The following ADAM32 variants were observed in gnomAD, a reference collection of about 807,000 sequenced individuals.
ADAM32 encodes ADAM metallopeptidase domain 32.
ADAM32 carries 89 observed loss-of-function variants against 114.9 expected under a neutral mutation model. The ratio of observed to expected loss-of-function variants is 0.77; its 90% confidence interval spans 0.65 to 0.92. The LOEUF (loss-of-function observed/expected upper bound fraction) is 0.92, where lower values mean the gene tolerates loss of function less well. Among genes scored for constraint, ADAM32 ranks in the 40% least tolerant of loss-of-function variants. The pLI, the probability that ADAM32 is intolerant of heterozygous loss-of-function variation, is 0.00. For synonymous variants in ADAM32, 285 were observed against 307.5 expected (o/e 0.93, Z 0.77); for missense variants, 870 against 932.8 (o/e 0.93, Z 0.88).
At chr8:39,123,999 G>A (rs1801949804) in intron 2 of ADAM32, among the ~76,000 whole-genome samples, 1 of 151,678 alleles carries the variant, frequency 6.6e-6, no homozygotes, top group African/African-American at 2.4e-5. Context: ...GAGCCACTGT[G>A]CCTGGCCTTC....
chr8:39,201,214 C>T (rs1308015586), intron 11 of ADAM32, among the ~76,000 whole-genome samples: 1 of 152,170 alleles, frequency 6.6e-6, no homozygotes, highest in African/African-American at 2.4e-5. Flanking sequence ...TTACCTTGGG[C>T]AGTATGGCCA....
chr8:39,149,675 A>G (rs1803702658), intron 4 of ADAM32, 116 bp from the exon 5 acceptor site: 1 of 717,730 alleles, frequency 1.4e-6, no homozygotes, highest in East Asian at 2.8e-5. Context: ...TTGTACTGAT[A>G]TAAATCACGG....
At chr8:39,157,822 C>G in intron 6 of ADAM32, 1 of 871,996 alleles carries the variant, frequency 1.1e-6, no homozygotes, top group East Asian at 2.9e-5. Context: ...AGGTTATAGT[C>G]AGTGGAGGCA....
chr8:39,152,821 C>A (rs1361307362), intron 6 of ADAM32, among the ~76,000 whole-genome samples: 1 of 152,052 alleles, frequency 6.6e-6, no homozygotes, highest in Non-Finnish European at 1.5e-5. Context: ...TATTTCTCAA[C>A]CTCCCTTACC....
intron 19 of ADAM32, among the ~76,000 whole-genome samples, chr8:39,268,047 A>G (rs1812477681): frequency 6.6e-6 from 1 of 152,254 alleles, no homozygotes; most frequent in African/African-American, 2.4e-5. Context: ...TTCTTACTGT[A>G]TTTAACATGA....
chr8:39,251,847 T>C (rs923629315), intron 17 of ADAM32, among the ~76,000 whole-genome samples: 21 of 151,876 alleles, frequency 1.4e-4, no homozygotes, highest in Admixed American at 1.2e-3. Flanking sequence ...TTTATAGTTT[T>C]GGTTCTTAGA....
At chr8:39,134,043 G>A (rs961533729) in intron 2 of ADAM32, among the ~76,000 whole-genome samples, 25 of 152,138 alleles carry the variant, frequency 1.6e-4, no homozygotes, top group Admixed American at 2.6e-4. Flanking sequence ...CTTCTCTGGG[G>A]TGTAGGACAT....
intron 11 of ADAM32, among the ~76,000 whole-genome samples, chr8:39,209,350 T>C (rs894493793): frequency 2.6e-5 from 4 of 152,226 alleles, no homozygotes; most frequent in Admixed American, 1.3e-4. Flanking sequence ...CTTTGTTAAG[T>C]ATCTCTGATA....
chr8:39,162,479 AT>A (rs779492771), intron 7 of ADAM32, among the ~76,000 whole-genome samples: 2 of 152,004 alleles, frequency 1.3e-5, no homozygotes, highest in Non-Finnish European at 2.9e-5. Flanking sequence ...ATACGTGTGC[AT>A]GTGTCTTTAT....
chr8:39,256,855 T>G (rs557317394), intron 18 of ADAM32, among the ~76,000 whole-genome samples: 7 of 151,992 alleles, frequency 4.6e-5, no homozygotes, highest in Non-Finnish European at 8.8e-5. Context: ...CTTGTAAGAG[T>G]GCATTTTTGG....
At chr8:39,273,814 T>C (rs1223872512) in intron 20 of ADAM32, among the ~76,000 whole-genome samples, 2 of 151,394 alleles carry the variant, frequency 1.3e-5, no homozygotes, top group Non-Finnish European at 3.0e-5. Flanking sequence ...TTTTTTTTTT[T>C]CAGCACTCCT....
At chr8:39,241,076 AG>A (rs1810520014) in intron 16 of ADAM32, among the ~76,000 whole-genome samples, 5 of 152,204 alleles carry the variant, frequency 3.3e-5, no homozygotes, top group Admixed American at 3.3e-4. Flanking sequence ...GCCAAAACAA[AG>A]GGGCTACAGG....
chr8:39,235,002 C>G (rs953581670), intron 16 of ADAM32, among the ~76,000 whole-genome samples: 1 of 152,094 alleles, frequency 6.6e-6, no homozygotes, highest in Admixed American at 6.6e-5. Context: ...TCCTTCCCCC[C>G]GCCCCTCTCT....
intron 4 of ADAM32, 26 bp from the exon 5 acceptor site, chr8:39,149,757 CCTAAGTGA>C (rs1205567429): frequency 6.7e-7 from 1 of 1,488,534 alleles, no homozygotes; most frequent in Non-Finnish European, 9.3e-7. Flanking sequence ...TTTGTTACTT[CCTAAGTGA>C]CTACTTTACT....
chr8:39,158,580 A>G, intron 6 of ADAM32: 1 of 340,962 alleles, frequency 2.9e-6, no homozygotes. Context: ...TGTGAGGTGG[A>G]CCAGTTTAGA....
intron 2 of ADAM32, among the ~76,000 whole-genome samples, chr8:39,132,242 C>CT (rs1802511323): frequency 6.6e-6 from 1 of 152,148 alleles, no homozygotes; most frequent in Non-Finnish European, 1.5e-5. Context: ...TCTATTTCTG[C>CT]TTTTTGGTTT....
intron 17 of ADAM32, among the ~76,000 whole-genome samples, chr8:39,249,105 C>T (rs888267351): frequency 2.0e-5 from 3 of 152,026 alleles, no homozygotes; most frequent in Non-Finnish European, 2.9e-5. Flanking sequence ...GGGGTTTCAT[C>T]GTGTTAGCCA....
At chr8:39,134,865 T>C (rs1490292749) in intron 2 of ADAM32, among the ~76,000 whole-genome samples, 2 of 151,858 alleles carry the variant, frequency 1.3e-5, no homozygotes, top group East Asian at 1.9e-4. Flanking sequence ...TAAAAAAAGA[T>C]AAAGATGGGG....
At chr8:39,123,789 C>T (rs1801936687) in intron 2 of ADAM32, among the ~76,000 whole-genome samples, 2 of 151,346 alleles carry the variant, frequency 1.3e-5, no homozygotes, top group South Asian at 2.1e-4. Context: ...TCACTGCAAC[C>T]TCTGCCTCCT....
Sources: allele counts gnomAD v4.1 joint callset (sites outside exome capture counted in the v4.1 genomes callset), GRCh38; gene constraint gnomAD v4.1.1; transcripts MANE v1.5; gene names NCBI Gene and HGNC (gene_info 2026-07-23, HGNC 2026-07-21).